The following ZNF773 variants were observed in gnomAD, a reference collection of about 807,000 sequenced individuals.
ZNF773 encodes the protein zinc finger protein 773.
In ZNF773, 11 loss-of-function variants were observed where a neutral mutation model predicts 12.8. The ratio of observed to expected loss-of-function variants is 0.86; its 90% CI spans 0.54 to 1.42. The LOEUF (loss-of-function observed/expected upper bound fraction) is 1.42. Among genes scored for constraint, ZNF773 ranks in the 40% most tolerant of loss-of-function variants. The pLI is 0.00. For missense variants in ZNF773, 518 were observed against 527.2 expected, an observed-to-expected ratio of 0.98 and a Z score of 0.17; for synonymous variants, 175 against 178.4, an observed-to-expected ratio of 0.98 and a Z score of 0.15.
At chr19:57,513,030 C>G, downstream of ZNF773, 1 of 1,566,176 alleles carries the variant, frequency 6.4e-7, no homozygotes, top group Non-Finnish European at 8.6e-7. Flanking sequence ...AGTCCCGAAC[C>G]GACAGCCACA....
downstream of ZNF773, among the ~76,000 whole-genome samples, chr19:57,509,771 G>T (rs1314513350): frequency 6.6e-6 from 1 of 152,196 alleles, no homozygotes; most frequent in Non-Finnish European, 1.5e-5. Context: ...TGAGTTGTTA[G>T]CATATTTAAG....
downstream of ZNF773, chr19:57,513,045 G>A (rs758661019): frequency 1.3e-4 from 210 of 1,564,294 alleles, no homozygotes; most frequent in Non-Finnish European, 1.7e-4. Context: ...GCCACAAGTG[G>A]CGCCCGAACA....
chr19:57,507,488 A>G lies in ZNF773; in HGVS notation c.*64A>G. 1.3e-6 allele frequency: 2 copies of G among 1,525,976 alleles called. No homozygotes were observed. The highest frequency in any genetic ancestry group is 2.7e-5 in the South Asian group (2 of 74,454). The allele number at this position is 1,525,976 out of a possible 1,614,324, so 94.5% of individuals were successfully genotyped here. On this transcript the variant is annotated 3_prime_UTR_variant, in exon 4 of 4. Coordinates refer to ENST00000282292, the MANE Select transcript of ZNF773 (RefSeq NM_198542.3). The stretch of plus-strand genomic sequence containing the variant: ...AACACCAGAAAGTTCACAGTGTAAA[A>G]AAGTCTTGAAGGTTACTAATGGAAA...
At chr19:57,500,420 G>A (rs574557623) in intron 1 of ZNF773, among the ~76,000 whole-genome samples, 7 of 151,670 alleles carry the variant, frequency 4.6e-5, no homozygotes, top group Admixed American at 2.0e-4. Context: ...GGCCGCGGAG[G>A]GCTGGAGACA....
rs1266421921 is a variant in ZNF773 at position 57,507,357 on chromosome 19, G to T, written c.1262G>T (p.Gly421Val). ...GAKPYECREC[G>V]KFFRHSSSLV... is the part of the protein sequence containing the mutation. ...AAGCCTTATGAGTGCAGGGAATGTG[G>T]GAAATTTTTTCGCCACAGCTCCAGT... Residue 421 changes from glycine (G) to valine (V), a missense_variant, in exon 4 of 4, where the codon GGG becomes GTG. Transcript: ENST00000282292. The T allele has an allele frequency of 6.2e-7, 1 of 1,613,062 alleles. No individual in the cohort carries two copies. Among genetic ancestry groups the T allele is most frequent in the Admixed American group, 1.7e-5 (1 of 59,768 alleles).
chr19:57,512,980 AT>A (rs761698077), downstream of ZNF773: 1 of 1,511,970 alleles, frequency 6.6e-7, no homozygotes, highest in South Asian at 1.3e-5. Flanking sequence ...TTTAAAACAG[AT>A]CTTTTTGTCT....
chr19:57,507,903 G>T lies in ZNF773; in HGVS notation c.*479G>T, dbSNP rs548207023. 3.3e-3 allele frequency: 649 copies of T among 196,028 alleles called. No individual in the cohort carries two copies. Among genetic ancestry groups the T allele is most frequent in the Non-Finnish European group, 5.0e-3 (532 of 105,722 alleles). The allele number at this position is 196,028 out of a possible 1,614,324, so 12.1% of individuals were successfully genotyped here. Reference sequence around the variant, plus strand: ...CAGAAGAATGGCATGAACCTAGGAGGCAGAGTTTGCGGTGAGCTGAGATCA... The same window carrying T: ...CAGAAGAATGGCATGAACCTAGGAGTCAGAGTTTGCGGTGAGCTGAGATCA... On this transcript the variant is annotated 3_prime_UTR_variant, in exon 4 of 4. Transcript: ENST00000282292.
In ZNF773 at chr19:57,507,500, G is replaced by A; in HGVS notation, c.*76G>A. The A allele has an allele frequency of 2.0e-6, 3 of 1,509,686 alleles. No homozygotes were observed. Among genetic ancestry groups the A allele is most frequent in the Admixed American group, 2.4e-5 (1 of 41,426 alleles). 93.5% of individuals were successfully genotyped at this position (1,509,686 alleles called of 1,614,324 possible). On this transcript the variant is annotated 3_prime_UTR_variant, in exon 4 of 4. Transcript: ENST00000282292. ...TTCACAGTGTAAAAAAGTCTTGAAG[G>A]TTACTAATGGAAATCCATTAGCTAT...
downstream of ZNF773, chr19:57,516,764 G>C (rs578089453): frequency 1.4e-4 from 22 of 152,370 alleles, no homozygotes; most frequent in African/African-American, 5.1e-4. Flanking sequence ...CTTGGACTCA[G>C]TGTCTTGGCC....
chr19:57,511,769 T>A (rs767193078), downstream of ZNF773, among the ~76,000 whole-genome samples: 7 of 151,550 alleles, frequency 4.6e-5, no homozygotes, highest in African/African-American at 7.3e-5. Flanking sequence ...AACTAAAATG[T>A]CCATGAACAG....
At chr19:57,503,821 G>C (rs55839935) in intron 1 of ZNF773, among the ~76,000 whole-genome samples, 31,434 of 151,858 alleles carry the variant, frequency 0.21, 3,379 homozygotes, top group African/African-American at 0.25. Context: ...CCACCCCCAG[G>C]TTAATTTTGT....
At chr19:57,504,266 G>A (rs1293546544) in intron 1 of ZNF773, among the ~76,000 whole-genome samples, 1 of 152,186 alleles carries the variant, frequency 6.6e-6, no homozygotes, top group Non-Finnish European at 1.5e-5. Flanking sequence ...TGGTGCAGGG[G>A]GCAGTGGTTG....
In ZNF773 at chr19:57,506,396, C is replaced by T. The variant is rs777376902; in HGVS notation, c.301C>T (p.Gln101Ter). 1.9e-6 allele frequency: 3 copies of T among 1,613,776 alleles called. No individual in the cohort carries two copies. Among genetic ancestry groups the T allele is most frequent in the Non-Finnish European group, 2.5e-6 (3 of 1,179,864 alleles). Residue 101 changes from glutamine (Q) to a stop codon, truncating the protein, a stop_gained, in exon 4 of 4, where the codon CAG becomes TAG. Coordinates refer to ENST00000282292, the MANE Select transcript of ZNF773 (RefSeq NM_198542.3). LOFTEE classifies it low-confidence loss of function (END_TRUNC). ...AGCCAAGGCTGAGGCAGCTGCTGAG[C>T]AGAGTGCTTCTGTAGAAGTGCCCAG... ...QGAKAEAAAE[Q>*]SASVEVPSSN...
chr19:57,506,291 C>CTG (rs57412218), intron 3 of ZNF773, 67 bp from the exon 4 acceptor site: 1 of 1,545,838 alleles, frequency 6.5e-7, no homozygotes, highest in Admixed American at 2.0e-5. Context: ...GTGTCAGACA[C>CTG]GTGTGAGAGT....
downstream of ZNF773, chr19:57,516,219 A>C (rs2089831285): frequency 6.4e-6 from 1 of 155,918 alleles, no homozygotes; most frequent in Admixed American, 6.5e-5. Flanking sequence ...AGTCACACTG[A>C]CATCAACCCC....
downstream of ZNF773, chr19:57,513,064 A>G: frequency 6.5e-7 from 1 of 1,545,852 alleles, no homozygotes; most frequent in Non-Finnish European, 8.7e-7. Context: ...CAGGGACGTG[A>G]GTGAAGAAGG....
Position 57,507,475 on chromosome 19 carries a change from T to C in ZNF773, c.*51T>C. On this transcript the variant is annotated 3_prime_UTR_variant, in exon 4 of 4. Coordinates refer to ENST00000282292, the MANE Select transcript of ZNF773 (RefSeq NM_198542.3). ...TTCAACCTCATTCAACACCAGAAAG[T>C]TCACAGTGTAAAAAAGTCTTGAAGG... is the stretch of plus-strand genomic sequence containing the variant. The C allele has an allele frequency of 6.5e-7, 1 of 1,538,682 alleles. No individual in the cohort carries two copies. The highest frequency in any genetic ancestry group is 1.4e-5 in the African/African-American group (1 of 72,186).
At chr19:57,516,869 G>A (rs1377259531), downstream of ZNF773, 4 of 152,222 alleles carry the variant, frequency 2.6e-5, no homozygotes, top group Non-Finnish European at 5.9e-5. Context: ...AGACCTCATG[G>A]CATAAATTTT....
At chr19:57,511,283 C>A (rs1213656708), downstream of ZNF773, among the ~76,000 whole-genome samples, 1 of 152,022 alleles carries the variant, frequency 6.6e-6, no homozygotes, top group Non-Finnish European at 1.5e-5. Flanking sequence ...GATCTCCTGA[C>A]CTCGTGATCT....
Sources: gnomAD v4.1 joint callset for allele counts (sites outside exome capture counted in the v4.1 genomes callset) on GRCh38, gnomAD v4.1.1 for gene constraint, MANE v1.5 for transcripts, NCBI Gene and HGNC (gene_info 2026-07-23, HGNC 2026-07-21) for gene names.